ZC3H3: variants seen among roughly 807,000 people sequenced by gnomAD.
ZC3H3 encodes zinc finger CCCH-type containing 3.
A neutral mutation model predicts 77.3 loss-of-function variants in ZC3H3; 36 were observed. The ratio of observed to expected loss-of-function variants is 0.47; its 90% confidence interval spans 0.36 to 0.61. ZC3H3 has a LOEUF of 0.61. Among genes scored for constraint, ZC3H3 ranks in the 20% least tolerant of loss-of-function variants. The pLI is 0.00. For missense variants in ZC3H3, 1,331 were observed against 1,312.2 expected (o/e 1.01, Z -0.22); for synonymous variants, 626 against 555.2 (o/e 1.13, Z -1.79).
At chr8:143,510,915 C>A (rs374029580) in intron 3 of ZC3H3, among the ~76,000 whole-genome samples, 3 of 152,212 alleles carry the variant, frequency 2.0e-5, no homozygotes, top group African/African-American at 7.2e-5. Context: ...TGCCCCGGCC[C>A]GCGTTATCAG....
intron 8 of ZC3H3, 128 bp downstream of exon 8, chr8:143,468,080 AG>A (rs1820461276): frequency 8.6e-7 from 1 of 1,162,710 alleles, no homozygotes; most frequent in African/African-American, 1.5e-5. Flanking sequence ...GCAGACTCTA[AG>A]GACGCCAGGG....
chr8:143,535,108 G>T (rs774418812), intron 3 of ZC3H3, among the ~76,000 whole-genome samples: 30 of 151,968 alleles, frequency 2.0e-4, no homozygotes, highest in Admixed American at 9.2e-4. Context: ...GCAATGGAAC[G>T]ATCTCGGCTC....
Position 143,468,551 on chromosome 8 carries a change from G to A in ZC3H3, c.1947-11C>T. ...CGCTGCACTGCCCGGCTGCAGACGG[G>A]GAGAGAGGTGCGTGAGCCTGAGGGC... On this transcript the variant is annotated splice_polypyrimidine_tract_variant and intron_variant, in intron 6 of 11. Transcript: ENST00000262577. The A allele has an allele frequency of 6.2e-7, 1 of 1,605,308 alleles. No individual in the cohort carries two copies. The highest frequency in any genetic ancestry group is 1.3e-5 in the African/African-American group (1 of 74,840).
chr8:143,465,896 G>GA, intron 8 of ZC3H3, 48 bp from the exon 9 acceptor site: 1 of 1,584,744 alleles, frequency 6.3e-7, no homozygotes, highest in Non-Finnish European at 8.5e-7. Context: ...CACCCTCCAG[G>GA]GCCCAGAGAC....
At chr8:143,485,224 G>C (rs1472731396) in intron 4 of ZC3H3, among the ~76,000 whole-genome samples, 1 of 152,224 alleles carries the variant, frequency 6.6e-6, no homozygotes, top group East Asian at 1.9e-4. Flanking sequence ...GATCTGAAGT[G>C]TTTGTTGTGT....
intron 4 of ZC3H3, among the ~76,000 whole-genome samples, chr8:143,476,548 C>A (rs1820740046): frequency 6.6e-6 from 1 of 152,158 alleles, no homozygotes; most frequent in African/African-American, 2.4e-5. Flanking sequence ...CCCTGCGGAC[C>A]CTCGGGCAAG....
At chr8:143,475,370 T>C (rs1563848483) in intron 5 of ZC3H3, 28 bp downstream of exon 5, 1 of 1,597,762 alleles carries the variant, frequency 6.3e-7, no homozygotes, top group Non-Finnish European at 8.5e-7. Flanking sequence ...CGGTGTCATC[T>C]CCCAGCGCCC....
intron 9 of ZC3H3, among the ~76,000 whole-genome samples, chr8:143,464,209 C>A (rs140329395): frequency 6.6e-6 from 1 of 152,266 alleles, no homozygotes; most frequent in African/African-American, 2.4e-5. Context: ...CGCGGACACA[C>A]GGAAAGGCAG....
At chr8:143,448,452 G>T (rs2129808526) in intron 9 of ZC3H3, among the ~76,000 whole-genome samples, 1 of 152,346 alleles carries the variant, frequency 6.6e-6, no homozygotes, top group Admixed American at 6.5e-5. Flanking sequence ...AAAAGAAAGG[G>T]GTACAGGCCT....
In ZC3H3 at chr8:143,437,659, T is replaced by G. The variant is rs1008507524; in HGVS notation, c.*397A>C. ...GCAACAGTCAGGACAAGCCAACCAGTTACGGATAGAACCTTTATTGCTGAA... is the reference window on the plus strand; with the variant it reads ...GCAACAGTCAGGACAAGCCAACCAGGTACGGATAGAACCTTTATTGCTGAA... On this transcript the variant is annotated 3_prime_UTR_variant, in exon 12 of 12. Coordinates refer to ENST00000262577, the MANE Select transcript of ZC3H3 (RefSeq NM_015117.3). 1.8e-5 allele frequency: 5 copies of G among 272,844 alleles called. No individual in the cohort carries two copies. The highest frequency in any genetic ancestry group is 3.6e-5 in the Non-Finnish European group (5 of 137,796). 16.9% of individuals were successfully genotyped at this position (272,844 alleles called of 1,614,324 possible).
At chr8:143,496,548 T>A (rs900227454) in intron 4 of ZC3H3, among the ~76,000 whole-genome samples, 1 of 152,096 alleles carries the variant, frequency 6.6e-6, no homozygotes, top group African/African-American at 2.4e-5. Context: ...GTAAGACTCC[T>A]GGGTCCACGC....
intron 4 of ZC3H3, among the ~76,000 whole-genome samples, chr8:143,507,459 G>T (rs1206251450): frequency 6.6e-6 from 1 of 152,272 alleles, no homozygotes; most frequent in Non-Finnish European, 1.5e-5. Context: ...ATGGCACAGA[G>T]CCCTCACCAG....
chr8:143,478,886 C>A (rs1820825204), intron 4 of ZC3H3, among the ~76,000 whole-genome samples: 1 of 152,240 alleles, frequency 6.6e-6, no homozygotes, highest in Admixed American at 6.5e-5. Context: ...AAACACCTTA[C>A]TGGAGTGTGA....
chr8:143,522,936 A>G lies in ZC3H3; in HGVS notation c.1561+13321T>C, dbSNP rs1227472292. On this transcript the variant is annotated intron_variant, in intron 3 of 11. Transcript: ENST00000262577. ...CCCTGTCTCAAAAAAATATATATAT[A>G]TATTGCCCTTTGATTTCAGCAAGAG... Among the ~76,000 whole-genome samples the G allele has an allele frequency of 4.6e-5, 7 of 152,004 alleles. No individual in the cohort carries two copies. The East Asian group carries it at 1.4e-3, about 29-fold the overall frequency.
rs1472668273 is a variant in ZC3H3 at position 143,494,366 on chromosome 8, CCTCT to C, written c.1715+13376_1715+13379del. 6.6e-6 allele frequency among the ~76,000 whole-genome samples: 1 copy of C among 152,228 alleles called. No homozygotes were observed. The highest frequency in any genetic ancestry group is 6.5e-5 in the Admixed American group (1 of 15,288). On this transcript the variant is annotated intron_variant, in intron 4 of 11. Coordinates refer to ENST00000262577, the MANE Select transcript of ZC3H3 (RefSeq NM_015117.3). This position sits in a 1 kb window ranked among gnomAD's most constrained non-coding sequence, Gnocchi z 5.3. ...GACCGGTGGCAGCCCGCCAGCCCTC[CCTCT>C]GAGCAGGCCCCAGGCTCTGGGTGGG...
intron 3 of ZC3H3, among the ~76,000 whole-genome samples, chr8:143,527,610 G>C (rs1354974157): frequency 6.6e-6 from 1 of 152,236 alleles, no homozygotes; most frequent in African/African-American, 2.4e-5. Context: ...CTTTCCTGAA[G>C]CCTAATTCAG....
chr8:143,540,888 G>A (rs1310395484), intron 1 of ZC3H3, among the ~76,000 whole-genome samples: 3 of 152,138 alleles, frequency 2.0e-5, no homozygotes, highest in African/African-American at 7.2e-5. Flanking sequence ...CCCAGGATGA[G>A]GAGATTGCAG....
intron 3 of ZC3H3, among the ~76,000 whole-genome samples, chr8:143,514,745 A>C (rs1821979658): frequency 6.6e-6 from 1 of 152,132 alleles, no homozygotes; most frequent in African/African-American, 2.4e-5. Context: ...ACCTGCGGGC[A>C]CCCATCTGCA....
At chr8:143,459,577 A>G (rs1820204558) in intron 9 of ZC3H3, among the ~76,000 whole-genome samples, 1 of 152,140 alleles carries the variant, frequency 6.6e-6, no homozygotes, top group African/African-American at 2.4e-5. Flanking sequence ...AGGATTACAC[A>G]TCATAACCAA....
Sources: allele counts gnomAD v4.1 joint callset (sites outside exome capture counted in the v4.1 genomes callset), GRCh38; gene constraint gnomAD v4.1.1; non-coding constraint Gnocchi (gnomAD v3.1); transcripts MANE v1.5; gene names NCBI Gene and HGNC (gene_info 2026-07-23, HGNC 2026-07-21).